FASTKD2: variants seen among roughly 807,000 people sequenced by gnomAD.
FASTKD2 encodes FAST kinase domains 2, also known as FAST kinase domain-containing protein 2, mitochondrial.
Under a neutral mutation model 63.6 loss-of-function variants are expected in FASTKD2, and 51 were observed. The observed-to-expected ratio is 0.80, with a 90% CI of 0.64 to 1.01. FASTKD2 has a LOEUF of 1.01. Among genes scored for constraint, FASTKD2 ranks in the 50% least tolerant of loss-of-function variants. FASTKD2 has a pLI of 0.00. For missense variants in FASTKD2, 786 were observed against 831.1 expected (o/e 0.95, Z 0.67); for synonymous variants, 284 against 293.4 (o/e 0.97, Z 0.33).
intron 2 of FASTKD2, among the ~76,000 whole-genome samples, chr2:206,769,461 C>A (rs1051117092): frequency 1.4e-4 from 22 of 152,180 alleles, no homozygotes; most frequent in African/African-American, 3.9e-4. Flanking sequence ...TGTTACTATT[C>A]ACTTTCCAGA....
rs140324512 is a variant in FASTKD2, at chr2:206,766,983, C to G, written c.290C>G (p.Thr97Ser). The G allele has an allele frequency of 7.4e-6, 12 of 1,612,728 alleles. No individual in the cohort carries two copies. Among genetic ancestry groups the G allele is most frequent in the Non-Finnish European group, 9.3e-6 (11 of 1,178,864 alleles). ...DVGFQTKGISTLTALRIERLL... is the reference protein window; with the variant it reads ...DVGFQTKGISSLTALRIERLL... Reference sequence around the variant, plus strand: ...GGCTTTCAAACAAAGGGCATAAGCACTCTAACAGCCCTTAGAATTGAAAGA... The same window carrying G: ...GGCTTTCAAACAAAGGGCATAAGCAGTCTAACAGCCCTTAGAATTGAAAGA... The change falls in exon 2 of 12, where the codon ACT becomes AGT. Residue 97 changes from threonine (T) to serine (S), a missense_variant. Physicochemically the swap from Thr to Ser is moderately conservative, Grantham distance 58. Transcript: ENST00000402774.
At chr2:206,775,899 T>G (rs1382236581) in intron 7 of FASTKD2, among the ~76,000 whole-genome samples, 2 of 150,582 alleles carry the variant, frequency 1.3e-5, no homozygotes, top group African/African-American at 2.4e-5. Flanking sequence ...AGATTTTGTT[T>G]TGTTTTGTTT....
intron 7 of FASTKD2, among the ~76,000 whole-genome samples, chr2:206,785,914 T>C (rs878832): frequency 0.12 from 18,900 of 152,146 alleles, 1,734 homozygotes; most frequent in African/African-American, 0.26. Context: ...ATCTCACCAG[T>C]TATTCACTAT....
Position 206,793,568 on chromosome 2 carries a change from A to T in FASTKD2, c.*1766A>T, listed in dbSNP as rs935355643. ...TTAACCTTATAAGCTTCAGAACAAG[A>T]TGCAGATATTCTGTTATTAAAGGAA... On this transcript the variant is annotated 3_prime_UTR_variant, in exon 12 of 12. Coordinates refer to ENST00000402774, the MANE Select transcript of FASTKD2 (RefSeq NM_001136193.2). Among the ~76,000 whole-genome samples, 6 of 152,188 alleles carry T rather than the reference A, an allele frequency of 3.9e-5. No homozygotes were observed. The highest frequency in any genetic ancestry group is 2.1e-4 in the South Asian group (1 of 4,832).
At position 206,794,363 on chromosome 2, in the gene FASTKD2, T is replaced by C. The variant is rs1444401033; in HGVS notation, c.*2561T>C. Among the ~76,000 whole-genome samples the C allele has an allele frequency of 6.6e-6, 1 of 152,240 alleles. No homozygotes were observed. Among genetic ancestry groups the C allele is most frequent in the Non-Finnish European group, 1.5e-5 (1 of 68,052 alleles). On this transcript the variant is annotated 3_prime_UTR_variant, in exon 12 of 12. Coordinates refer to ENST00000402774, the MANE Select transcript of FASTKD2 (RefSeq NM_001136193.2). ...CTAGATACAAGATATAAAATTGTAT[T>C]CTTGAAATAGCTACATGCAATTCTT...
rs61672260 is a variant in FASTKD2 at position 206,792,474 on chromosome 2, T to A, written c.*672T>A. Reference sequence around the variant, plus strand: ...CCTCCCACAATTTCATGAAGTCTTTTAAATTAAATATATAGCTGAATTGTG... The same window carrying A: ...CCTCCCACAATTTCATGAAGTCTTTAAAATTAAATATATAGCTGAATTGTG... On this transcript the variant is annotated 3_prime_UTR_variant, in exon 12 of 12. Coordinates refer to ENST00000402774, the MANE Select transcript of FASTKD2 (RefSeq NM_001136193.2). 7,280 of 152,608 alleles carry A rather than the reference T, an allele frequency of 0.048. 483 individuals are homozygous for A. The highest frequency in any genetic ancestry group is 0.15 in the African/African-American group (6,080 of 41,528). The allele number at this position is 152,608 out of a possible 1,614,324, so 9.5% of individuals were successfully genotyped here. A position where few individuals can be genotyped will look rare whatever the true frequency, so the allele number is the denominator to read the frequency against.
intron 7 of FASTKD2, among the ~76,000 whole-genome samples, chr2:206,778,022 CTTAT>C (rs1439757664): frequency 1.4e-4 from 22 of 151,844 alleles, no homozygotes; most frequent in Non-Finnish European, 1.3e-4. Flanking sequence ...TTGTTCGTCT[CTTAT>C]TTATTTGAAT....
At position 206,788,052 on chromosome 2, in the gene FASTKD2, A is replaced by G. The variant is rs537680468; in HGVS notation, c.1710A>G (p.Pro570=). 12 of 1,613,722 alleles carry G rather than the reference A, an allele frequency of 7.4e-6. No homozygotes were observed. Among genetic ancestry groups the G allele is most frequent in the Admixed American group, 1.7e-5 (1 of 60,010 alleles). Residue 570 remains proline (P), a synonymous_variant, in exon 9 of 12, where the codon CCA becomes CCG. Coordinates refer to ENST00000402774, the MANE Select transcript of FASTKD2 (RefSeq NM_001136193.2). ...TCCCACAGCTGCCGCGGGAGCTGCCATCGTCACATACAAATGCAAAGGTGG... is the reference window on the plus strand; with the variant it reads ...TCCCACAGCTGCCGCGGGAGCTGCCGTCGTCACATACAAATGCAAAGGTGG... The part of the protein sequence containing the change: ...LSLPQLPREL[P]SSHTNAKVAE...
At chr2:206,779,220 A>G (rs1042348749) in intron 7 of FASTKD2, among the ~76,000 whole-genome samples, 3 of 152,088 alleles carry the variant, frequency 2.0e-5, no homozygotes, top group Admixed American at 6.5e-5. Context: ...TTTGGTTACC[A>G]TTTGCATGGA....
At chr2:206,783,415 C>A in intron 7 of FASTKD2, 1 of 153,532 alleles carries the variant, frequency 6.5e-6, no homozygotes. Context: ...AGTACAGGAC[C>A]TGCCAAAGAG....
intron 3 of FASTKD2, among the ~76,000 whole-genome samples, 177 bp from the exon 4 acceptor site, chr2:206,771,005 A>T (rs1689663894): frequency 6.6e-6 from 1 of 152,166 alleles, no homozygotes. Context: ...AGAAAATAGC[A>T]CTATTAATAG....
At chr2:206,786,712 T>G (rs776709645) in intron 7 of FASTKD2, 21 bp from the exon 8 acceptor site, 1 of 1,611,272 alleles carries the variant, frequency 6.2e-7, no homozygotes, top group Admixed American at 1.7e-5. Context: ...GTTGGGAAAC[T>G]GACTTTTCTT....
chr2:206,770,220 A>T (rs759602973), intron 3 of FASTKD2, 26 bp downstream of exon 3: 2 of 1,390,160 alleles, frequency 1.4e-6, no homozygotes. Context: ...TGCTTTCTTC[A>T]TGTGGTTTTC....
At chr2:206,780,571 T>C (rs1296801384) in intron 7 of FASTKD2, among the ~76,000 whole-genome samples, 13 of 152,220 alleles carry the variant, frequency 8.5e-5, no homozygotes, top group Non-Finnish European at 1.0e-4. Context: ...ACAGTTTGAT[T>C]ACAATGTATC....
At chr2:206,771,757 G>T in intron 4 of FASTKD2, 137 bp from the exon 5 acceptor site, 1 of 683,852 alleles carries the variant, frequency 1.5e-6, no homozygotes. Flanking sequence ...GGGCGGCTGA[G>T]GCAGGAGGAT....
rs1404189264 is a variant in FASTKD2, at chr2:206,788,164, C to T, written c.1813+9C>T. ...ACACAATTATCATATTGGTATGGGACATTATATGATTTCCTTTCATTTTAT... is the reference window on the plus strand; with the variant it reads ...ACACAATTATCATATTGGTATGGGATATTATATGATTTCCTTTCATTTTAT... On this transcript the variant is annotated intron_variant, in intron 9 of 11. Coordinates refer to ENST00000402774, the MANE Select transcript of FASTKD2 (RefSeq NM_001136193.2). 39 of 1,522,016 alleles carry T rather than the reference C, an allele frequency of 2.6e-5. No homozygotes were observed. Among genetic ancestry groups the T allele is most frequent in the Non-Finnish European group, 3.4e-5 (38 of 1,106,852 alleles). The allele number at this position is 1,522,016 out of a possible 1,614,324, so 94.3% of individuals were successfully genotyped here.
intron 10 of FASTKD2, chr2:206,789,594 C>G (rs1311913155): frequency 6.6e-6 from 1 of 151,856 alleles, no homozygotes; most frequent in African/African-American, 2.4e-5. Context: ...CCACTGGACA[C>G]ACACACACAC....
chr2:206,766,586 T>G, intron 1 of FASTKD2, 58 bp from the exon 2 acceptor site: 1 of 971,486 alleles, frequency 1.0e-6, no homozygotes, highest in Non-Finnish European at 1.6e-6. Flanking sequence ...GCATTTCATT[T>G]CTTTAAGTAA....
At chr2:206,781,218 G>A (rs898927434) in intron 7 of FASTKD2, among the ~76,000 whole-genome samples, 2 of 146,910 alleles carry the variant, frequency 1.4e-5, no homozygotes, top group Admixed American at 6.9e-5. Flanking sequence ...TCCTCTCCCT[G>A]TTTTTACAGA....
Sources: allele counts gnomAD v4.1 joint callset (sites outside exome capture counted in the v4.1 genomes callset), GRCh38; gene constraint gnomAD v4.1.1; transcripts MANE v1.5; gene names NCBI Gene and HGNC (gene_info 2026-07-23, HGNC 2026-07-21).